MAST4: variants seen among roughly 807,000 people sequenced by gnomAD.
MAST4 encodes microtubule-associated serine/threonine-protein kinase 4.
In MAST4, 89 loss-of-function variants were observed where a neutral mutation model predicts 162.7. That is an observed-to-expected ratio of 0.55 (90% CI 0.46 to 0.65). MAST4 has a LOEUF of 0.65. Among genes scored for constraint, MAST4 ranks in the 30% least tolerant of loss-of-function variants. The pLI is 0.00. For missense variants in MAST4, 3,153 were observed against 3,374.0 expected (o/e 0.93, Z 1.62); for synonymous variants, 1,479 against 1,361.1 (o/e 1.09, Z -1.91).
intron 1 of MAST4, among the ~76,000 whole-genome samples, chr5:66,684,369 CT>C (rs1467813531): frequency 5.2e-5 from 5 of 96,552 alleles, no homozygotes; most frequent in Non-Finnish European, 1.0e-4. Flanking sequence ...TTTTTTTTCT[CT>C]TTTCTTTTTT....
At chr5:67,028,079 T>C (rs530830917) in intron 4 of MAST4, among the ~76,000 whole-genome samples, 1 of 152,218 alleles carries the variant, frequency 6.6e-6, no homozygotes, top group South Asian at 2.1e-4. Context: ...TAACAGAATT[T>C]ACAGTATCAT....
intron 1 of MAST4, among the ~76,000 whole-genome samples, chr5:66,612,724 G>C (rs1286061072): frequency 2.6e-5 from 4 of 152,162 alleles, no homozygotes; most frequent in Non-Finnish European, 5.9e-5. Context: ...TGTAAATCCT[G>C]ATGGATTTTC....
At position 67,110,397 on chromosome 5, in the gene MAST4, C is replaced by T. The variant is rs141260250; in HGVS notation, c.1458+198C>T. 1.0e-3 allele frequency among the ~76,000 whole-genome samples: 154 copies of T among 152,274 alleles called. 1 individual carries two copies. The highest frequency in any genetic ancestry group is 1.8e-3 in the Non-Finnish European group (121 of 68,022). On this transcript the variant is annotated intron_variant, in intron 11 of 28. Coordinates refer to ENST00000403625, the MANE Select transcript of MAST4 (RefSeq NM_001164664.2). ...TTTAAAGAGACTTCTAGGACTTTTGCTCTATTAAGTGATGGTCATACCATA... is the reference window on the plus strand; with the variant it reads ...TTTAAAGAGACTTCTAGGACTTTTGTTCTATTAAGTGATGGTCATACCATA...
chr5:67,144,577 A>G (rs1193344125), intron 21 of MAST4, 92 bp from the exon 22 acceptor site: 5 of 1,296,274 alleles, frequency 3.9e-6, no homozygotes, highest in Non-Finnish European at 5.5e-6. Flanking sequence ...GAATTTAGTT[A>G]TCCTCTCAGG....
intron 6 of MAST4, among the ~76,000 whole-genome samples, chr5:67,094,885 A>C (rs1156643732): frequency 1.3e-5 from 2 of 152,122 alleles, no homozygotes; most frequent in Admixed American, 6.6e-5. Context: ...CTTTGCATTA[A>C]GTTCTATCAC....
intron 4 of MAST4, among the ~76,000 whole-genome samples, chr5:66,975,902 T>G (rs947466182): frequency 2.0e-5 from 3 of 151,992 alleles, no homozygotes; most frequent in African/African-American, 4.8e-5. Context: ...GACTGAGGCA[T>G]GAAAATTGCT....
intron 4 of MAST4, among the ~76,000 whole-genome samples, chr5:66,976,105 C>G (rs963275555): frequency 6.6e-6 from 1 of 152,224 alleles, no homozygotes; most frequent in Non-Finnish European, 1.5e-5. Flanking sequence ...GTTGACAGCA[C>G]ATTTTAGCTT....
chr5:66,966,098 T>C (rs147450745), intron 4 of MAST4, among the ~76,000 whole-genome samples: 367 of 152,294 alleles, frequency 2.4e-3, no homozygotes, highest in African/African-American at 8.3e-3. Context: ...CAGAAATGAA[T>C]ATTGCCTTTG....
intron 3 of MAST4, among the ~76,000 whole-genome samples, chr5:66,832,426 C>A (rs536732736): frequency 2.2e-4 from 33 of 152,192 alleles, no homozygotes; most frequent in African/African-American, 7.2e-4. Flanking sequence ...GCACACCCCC[C>A]ACCCCTGTCC....
intron 5 of MAST4, among the ~76,000 whole-genome samples, chr5:67,068,007 C>T (rs1196011422): frequency 2.0e-5 from 3 of 152,176 alleles, no homozygotes; most frequent in Admixed American, 6.5e-5. Context: ...GATCCTGTGA[C>T]TTGCTGGTAT....
intron 6 of MAST4, among the ~76,000 whole-genome samples, 195 bp downstream of exon 6, chr5:67,090,426 CT>C (rs1763724112): frequency 1.2e-5 from 1 of 81,472 alleles, no homozygotes; most frequent in Non-Finnish European, 2.5e-5. Flanking sequence ...CCCCATCTCA[CT>C]TCCCCCCTCC....
chr5:67,082,727 A>G (rs1031955860), intron 5 of MAST4, among the ~76,000 whole-genome samples: 2 of 152,224 alleles, frequency 1.3e-5, no homozygotes, highest in Non-Finnish European at 2.9e-5. Context: ...TATGGCATAT[A>G]TACAAAAATT....
chr5:67,102,413 C>G, intron 8 of MAST4, 123 bp from the exon 9 acceptor site: 1 of 846,310 alleles, frequency 1.2e-6, no homozygotes, highest in Non-Finnish European at 2.0e-6. Flanking sequence ...AGTTTATTAT[C>G]TGATATACTT....
rs1193536373 is a variant in MAST4, at chr5:67,011,455, A to C, written c.675-42949A>C. The stretch of plus-strand genomic sequence containing the variant: ...CTTCTGCAGGCAGGACAGACTTACA[A>C]ATCATGCAGGGCTTGCCCCTTCAGT... On this transcript the variant is annotated intron_variant, in intron 4 of 28. Transcript: ENST00000403625. Among the ~76,000 whole-genome samples, 5 of 152,284 alleles carry C rather than the reference A, an allele frequency of 3.3e-5. No individual in the cohort carries two copies. In the East Asian group the frequency reaches 9.7e-4, roughly 29 times the overall value.
At chr5:66,754,156 A>G (rs1399000253) in intron 1 of MAST4, among the ~76,000 whole-genome samples, 2 of 152,298 alleles carry the variant, frequency 1.3e-5, no homozygotes, top group Middle Eastern at 3.4e-3. Flanking sequence ...GTATCTCAAA[A>G]TAATAAGAGC....
intron 3 of MAST4, among the ~76,000 whole-genome samples, chr5:66,892,685 A>G (rs1051446718): frequency 6.6e-6 from 1 of 152,100 alleles, no homozygotes; most frequent in Non-Finnish European, 1.5e-5. Flanking sequence ...CTGCTCGTGT[A>G]TTTATTCAAA....
chr5:66,941,859 G>A (rs1354678030), intron 4 of MAST4, among the ~76,000 whole-genome samples: 1 of 152,082 alleles, frequency 6.6e-6, no homozygotes, highest in Non-Finnish European at 1.5e-5. Flanking sequence ...ATGTTGTTGT[G>A]TCTCAGGAAA....
chr5:67,149,007 T>C (rs1771442216), intron 23 of MAST4, among the ~76,000 whole-genome samples: 1 of 151,786 alleles, frequency 6.6e-6, no homozygotes, highest in Admixed American at 6.6e-5. Flanking sequence ...GTTTGGGAGG[T>C]AATATTTGAT....
chr5:66,800,982 A>G (rs1304406329), intron 3 of MAST4, among the ~76,000 whole-genome samples: 1 of 152,188 alleles, frequency 6.6e-6, no homozygotes, highest in East Asian at 1.9e-4. Context: ...GTTTTTACTG[A>G]AAGTATTATT....
Sources: allele counts gnomAD v4.1 joint callset (sites outside exome capture counted in the v4.1 genomes callset), GRCh38; gene constraint gnomAD v4.1.1; transcripts MANE v1.5; gene names NCBI Gene and HGNC (gene_info 2026-07-23, HGNC 2026-07-21).